PCSK2: variants seen among roughly 807,000 people sequenced by gnomAD.
The protein encoded by PCSK2 is proprotein convertase subtilisin/kexin type 2.
PCSK2 carries 14 observed loss-of-function variants against 69.7 expected under a neutral mutation model. That is an observed-to-expected ratio of 0.20 (90% CI 0.13 to 0.31). The LOEUF is 0.31. PCSK2 is among the 10% of genes least tolerant of loss of function. PCSK2 has a pLI of 1.00. For synonymous variants in PCSK2, 307 were observed against 320.7 expected (o/e 0.96, Z 0.46); for missense variants, 544 against 842.5 (o/e 0.65, Z 4.39).
At chr20:17,450,213 A>T (rs1422069657) in intron 8 of PCSK2, among the ~76,000 whole-genome samples, 1 of 151,602 alleles carries the variant, frequency 6.6e-6, no homozygotes, top group African/African-American at 2.4e-5. Context: ...TATTTTTAGT[A>T]GAGACGGGGT....
intron 2 of PCSK2, among the ~76,000 whole-genome samples, chr20:17,328,836 C>T (rs1360518501): frequency 6.6e-6 from 1 of 152,084 alleles, no homozygotes. Context: ...TGGGAGTTGT[C>T]GACAGTCATG....
chr20:17,482,292 A>C lies in PCSK2; in HGVS notation c.*222A>C. On this transcript the variant is annotated 3_prime_UTR_variant, in exon 12 of 12. Transcript: ENST00000262545. ...GCGTTCCCAACAACATCCATGTCCT[A>C]TGTGTGACTCTAAATTCTTTATTTC... 5.0e-6 allele frequency: 1 copy of C among 200,636 alleles called. No individual in the cohort carries two copies. The highest frequency in any genetic ancestry group is 9.5e-6 in the Non-Finnish European group (1 of 104,908). The allele number at this position is 200,636 out of a possible 1,614,324, so 12.4% of individuals were successfully genotyped here. A position where few individuals can be genotyped will look rare whatever the true frequency, so the allele number is the denominator to read the frequency against.
intron 2 of PCSK2, among the ~76,000 whole-genome samples, chr20:17,261,991 A>G (rs1568574129): frequency 6.6e-6 from 1 of 152,234 alleles, no homozygotes; most frequent in Non-Finnish European, 1.5e-5. Context: ...ACTGAGGCAC[A>G]GTAGAACTCA....
At chr20:17,279,597 A>G (rs1049699975) in intron 2 of PCSK2, among the ~76,000 whole-genome samples, 1 of 152,016 alleles carries the variant, frequency 6.6e-6, no homozygotes, top group Non-Finnish European at 1.5e-5. Context: ...CCTGAGGTCC[A>G]GAGTTCGAGA....
intron 6 of PCSK2, among the ~76,000 whole-genome samples, chr20:17,423,486 G>A (rs941722962): frequency 4.6e-5 from 7 of 152,152 alleles, no homozygotes; most frequent in African/African-American, 1.4e-4. Flanking sequence ...AAAGGTGCTA[G>A]ACTCTCAGCT....
intron 5 of PCSK2, among the ~76,000 whole-genome samples, chr20:17,401,260 T>C (rs1600550132): frequency 6.6e-6 from 1 of 152,248 alleles, no homozygotes; most frequent in Non-Finnish European, 1.5e-5. Flanking sequence ...GAGTAATTTA[T>C]AAGCAACAGA....
intron 2 of PCSK2, among the ~76,000 whole-genome samples, chr20:17,304,926 A>G (rs1600472641): frequency 6.6e-6 from 1 of 152,136 alleles, no homozygotes; most frequent in East Asian, 1.9e-4. Flanking sequence ...TTTGTTTCTG[A>G]CTGAATCATC....
chr20:17,376,106 G>A (rs553529162), intron 5 of PCSK2, among the ~76,000 whole-genome samples: 2 of 152,296 alleles, frequency 1.3e-5, no homozygotes, highest in Admixed American at 1.3e-4. Flanking sequence ...TACCCTAGAG[G>A]AGGGTGAGAG....
At chr20:17,439,707 A>G (rs1349892765) in intron 8 of PCSK2, among the ~76,000 whole-genome samples, 1 of 152,240 alleles carries the variant, frequency 6.6e-6, no homozygotes, top group African/African-American at 2.4e-5. Context: ...GCAAGTTCAC[A>G]TGTAACTTCC....
intron 8 of PCSK2, among the ~76,000 whole-genome samples, chr20:17,450,154 G>A (rs1012574096): frequency 2.0e-5 from 3 of 149,232 alleles, no homozygotes; most frequent in East Asian, 2.1e-4. Flanking sequence ...TCAGCCTCCC[G>A]AGTAGCTGGG....
chr20:17,310,684 G>A (rs560193951), intron 2 of PCSK2, among the ~76,000 whole-genome samples: 2 of 150,186 alleles, frequency 1.3e-5, no homozygotes, highest in African/African-American at 2.5e-5. Flanking sequence ...ATAGCATCCT[G>A]CACCAAGTAG....
At chr20:17,382,492 G>A (rs999761414) in intron 5 of PCSK2, among the ~76,000 whole-genome samples, 14 of 152,042 alleles carry the variant, frequency 9.2e-5, no homozygotes, top group Non-Finnish European at 2.1e-4. Context: ...TTACCAAATG[G>A]CATCGCCATG....
At chr20:17,425,259 T>G (rs1006813220) in intron 6 of PCSK2, among the ~76,000 whole-genome samples, 1 of 152,100 alleles carries the variant, frequency 6.6e-6, no homozygotes. Flanking sequence ...AACCCCAAAG[T>G]GTCAGACAGG....
chr20:17,448,897 T>A lies in PCSK2; in HGVS notation c.886-4845T>A, dbSNP rs999994186. On this transcript the variant is annotated intron_variant, in intron 8 of 11. Transcript: ENST00000262545. ...ATTTCACCTAAATGCACTTGCCTTT[T>A]TTTTTTTTTTTTTTTCCTTTCACCC... 8.1e-3 allele frequency among the ~76,000 whole-genome samples: 151 copies of A among 18,612 alleles called. 1 individual carries two copies. Among genetic ancestry groups the A allele is most frequent in the African/African-American group, 0.049 (148 of 3,026 alleles). 12.2% of individuals were successfully genotyped at this position (18,612 alleles called of 152,430 possible).
chr20:17,420,286 G>A (rs1416502858), intron 6 of PCSK2, among the ~76,000 whole-genome samples: 1 of 152,174 alleles, frequency 6.6e-6, no homozygotes, highest in Non-Finnish European at 1.5e-5. Context: ...GGGAGTAGAT[G>A]AACATCTTTC....
At chr20:17,257,108 A>G (rs1280594270) in intron 1 of PCSK2, among the ~76,000 whole-genome samples, 2 of 152,056 alleles carry the variant, frequency 1.3e-5, no homozygotes, top group Admixed American at 1.3e-4. Context: ...AGGAGTGGGC[A>G]AAGGATATGA....
At chr20:17,392,715 G>A (rs1452802916) in intron 5 of PCSK2, among the ~76,000 whole-genome samples, 1 of 152,120 alleles carries the variant, frequency 6.6e-6, no homozygotes, top group Non-Finnish European at 1.5e-5. Flanking sequence ...GCTTTTTCAA[G>A]CATTTATTCT....
intron 6 of PCSK2, among the ~76,000 whole-genome samples, chr20:17,422,442 T>C (rs548994680): frequency 2.0e-5 from 3 of 152,306 alleles, no homozygotes; most frequent in African/African-American, 4.8e-5. Flanking sequence ...AGTGGCATAC[T>C]AAGCTCAGGG....
chr20:17,272,447 C>T (rs889056902), intron 2 of PCSK2, among the ~76,000 whole-genome samples: 5 of 152,008 alleles, frequency 3.3e-5, no homozygotes, highest in Non-Finnish European at 5.9e-5. Context: ...CTTGAAGGAT[C>T]GAGGTATTGG....
Sources: gnomAD v4.1 joint callset for allele counts (sites outside exome capture counted in the v4.1 genomes callset) on GRCh38, gnomAD v4.1.1 for gene constraint, MANE v1.5 for transcripts, NCBI Gene and HGNC (gene_info 2026-07-23, HGNC 2026-07-21) for gene names.